The following PKHD1 variants were observed in gnomAD, a reference collection of about 807,000 sequenced individuals.
PKHD1 encodes the protein fibrocystin.
A neutral mutation model predicts 412.0 loss-of-function variants in PKHD1; 291 were observed. The observed-to-expected ratio is 0.71, with a 90% CI of 0.64 to 0.78. The LOEUF is 0.78. PKHD1 is among the 30% of genes least tolerant of loss of function. PKHD1 has a pLI of 0.00. For missense variants in PKHD1, 4,825 were observed against 4,950.7 expected (o/e 0.97, Z 0.76); for synonymous variants, 1,777 against 1,821.5 (o/e 0.98, Z 0.62).
chr6:51,942,372 C>T (rs542032498), intron 36 of PKHD1, among the ~76,000 whole-genome samples: 5 of 151,818 alleles, frequency 3.3e-5, no homozygotes, highest in African/African-American at 4.8e-5. Flanking sequence ...CAGCCGCTGC[C>T]GCCCTAATAC....
rs190607321 is a variant in PKHD1 at position 52,055,129 on chromosome 6, C to T, written c.1836+458G>A. Reference sequence around the variant, plus strand: ...ATAATTAGCCTTCACTGGGTCCTAACTGTGCAGGCACTTTACTAGATTATC... The same window carrying T: ...ATAATTAGCCTTCACTGGGTCCTAATTGTGCAGGCACTTTACTAGATTATC... On this transcript the variant is annotated intron_variant, in intron 19 of 66. Coordinates refer to ENST00000371117, the MANE Select transcript of PKHD1 (RefSeq NM_138694.4). Among the ~76,000 whole-genome samples the T allele has an allele frequency of 4.6e-3, 695 of 152,336 alleles. 6 individuals are homozygous for T. The highest frequency in any genetic ancestry group is 0.016 in the African/African-American group (649 of 41,564).
intron 63 of PKHD1, among the ~76,000 whole-genome samples, chr6:51,647,194 T>C (rs1198922314): frequency 1.3e-5 from 2 of 152,222 alleles, no homozygotes; most frequent in Non-Finnish European, 2.9e-5. Context: ...AATTTCGTAA[T>C]AAATTAATAT....
chr6:52,080,853 T>C (rs1811930246), intron 4 of PKHD1, among the ~76,000 whole-genome samples: 1 of 152,172 alleles, frequency 6.6e-6, no homozygotes, highest in African/African-American at 2.4e-5. Context: ...TTGAGTTAAA[T>C]AAAATACATT....
intron 60 of PKHD1, among the ~76,000 whole-genome samples, chr6:51,694,548 C>CT (rs67157925): frequency 0.42 from 15,642 of 37,654 alleles, 6,261 homozygotes; most frequent in Non-Finnish European, 0.5. Flanking sequence ...CACAACCAGC[C>CT]TTTTTTTTTT....
chr6:51,938,487 C>T (rs907860762), intron 36 of PKHD1, among the ~76,000 whole-genome samples: 24 of 123,702 alleles, frequency 1.9e-4, no homozygotes, highest in East Asian at 4.5e-4. Flanking sequence ...CCACTGAGCA[C>T]GCTGTGACCC....
At chr6:51,786,036 T>G (rs566553862) in intron 53 of PKHD1, among the ~76,000 whole-genome samples, 1 of 152,204 alleles carries the variant, frequency 6.6e-6, no homozygotes, top group Non-Finnish European at 1.5e-5. Flanking sequence ...CATTAACTAA[T>G]TTACTTTTTT....
chr6:52,055,661 G>A lies in PKHD1; in HGVS notation c.1762C>T (p.Leu588Phe). 1 of 1,613,708 alleles carries A rather than the reference G, an allele frequency of 6.2e-7. No homozygotes were observed. The highest frequency in any genetic ancestry group is 1.1e-5 in the South Asian group (1 of 91,072). ...AGGACAAGGTGTCGAGGCTGACGGA[G>A]GCTGAACCTGCCACAGAAGGGCTCC... ...GTEPFCGRFS[L>F]RQPRHLVLTP... The change falls in exon 19 of 67, where the codon CTC becomes TTC. Residue 588 changes from leucine to phenylalanine, a missense_variant. Transcript: ENST00000371117.
rs1790330501 is a variant in PKHD1, at chr6:51,772,568, C to T, written c.8642+134G>A. 9.1e-6 allele frequency: 5 copies of T among 549,906 alleles called. No homozygotes were observed. The East Asian group carries it at 1.4e-4, about 16-fold the overall frequency. 34.1% of individuals were successfully genotyped at this position (549,906 alleles called of 1,614,324 possible). ...ATATTTTTTAAATTCCCTATAATCG[C>T]TTATTTTTCTACTTGCTCATCCTTT... is the stretch of plus-strand genomic sequence containing the variant. On this transcript the variant is annotated intron_variant, in intron 55 of 66. Transcript: ENST00000371117.
At chr6:51,903,482 T>C (rs1034583502) in intron 43 of PKHD1, 115 bp downstream of exon 43, 2 of 846,524 alleles carry the variant, frequency 2.4e-6, no homozygotes, top group Non-Finnish European at 4.0e-6. Context: ...ATTCTTCCAA[T>C]GGCAATTATT....
chr6:51,632,507 T>C (rs1768045441), intron 65 of PKHD1, 58 bp downstream of exon 65: 5 of 1,394,462 alleles, frequency 3.6e-6, no homozygotes, highest in East Asian at 2.3e-5. Flanking sequence ...TAATATGTTA[T>C]GTATGATGAC....
intron 43 of PKHD1, among the ~76,000 whole-genome samples, chr6:51,898,171 A>G (rs1034008327): frequency 6.6e-6 from 1 of 152,186 alleles, no homozygotes; most frequent in African/African-American, 2.4e-5. Context: ...AACCTAATAG[A>G]CATCTACAGA....
chr6:52,053,321 G>A, intron 20 of PKHD1, 70 bp from the exon 21 acceptor site: 2 of 1,500,990 alleles, frequency 1.3e-6, no homozygotes, highest in Non-Finnish European at 1.8e-6. Context: ...TAGAGCCCTT[G>A]TTCCCAACCT....
chr6:52,085,099 TAAG>T (rs1812569967), intron 1 of PKHD1, 82 bp from the exon 2 acceptor site: 2 of 626,146 alleles, frequency 3.2e-6, no homozygotes, highest in Non-Finnish European at 5.8e-6. Context: ...CCTGGGAAAT[TAAG>T]GAGATGAGAT....
At chr6:52,013,755 C>A (rs1266804103) in intron 34 of PKHD1, among the ~76,000 whole-genome samples, 1 of 152,160 alleles carries the variant, frequency 6.6e-6, no homozygotes, top group Non-Finnish European at 1.5e-5. Context: ...GTATCTAAGA[C>A]TCCTGACTCC....
intron 43 of PKHD1, 110 bp downstream of exon 43, chr6:51,903,487 A>C: frequency 3.4e-6 from 3 of 885,396 alleles, no homozygotes; most frequent in Non-Finnish European, 5.6e-6. Flanking sequence ...TCCAATGGCA[A>C]TTATTCTTCC....
chr6:51,767,412 G>A (rs1216126313), intron 55 of PKHD1, among the ~76,000 whole-genome samples: 1 of 152,016 alleles, frequency 6.6e-6, no homozygotes, highest in African/African-American at 2.4e-5. Context: ...ATGTATACAT[G>A]TGCCATGTTG....
chr6:52,029,364 G>A (rs908892424), intron 29 of PKHD1, among the ~76,000 whole-genome samples: 20 of 152,080 alleles, frequency 1.3e-4, no homozygotes, highest in African/African-American at 4.8e-4. Context: ...AATATTTATT[G>A]AGTACCATAA....
chr6:51,640,991 T>G (rs1769273316), intron 63 of PKHD1, among the ~76,000 whole-genome samples: 1 of 152,232 alleles, frequency 6.6e-6, no homozygotes, highest in South Asian at 2.1e-4. Flanking sequence ...GTTTTGTTGT[T>G]GTTATTTTGT....
chr6:51,839,472 C>G (rs1769800469), intron 50 of PKHD1, among the ~76,000 whole-genome samples: 1 of 152,088 alleles, frequency 6.6e-6, no homozygotes, highest in African/African-American at 2.4e-5. Flanking sequence ...TCTAAACTTG[C>G]TATAAACACA....
Sources: gnomAD v4.1 joint callset for allele counts (sites outside exome capture counted in the v4.1 genomes callset) on GRCh38, gnomAD v4.1.1 for gene constraint, MANE v1.5 for transcripts, NCBI Gene and HGNC (gene_info 2026-07-23, HGNC 2026-07-21) for gene names.